Variants in LRTM2 observed in about 807,000 individuals in gnomAD.
The protein encoded by LRTM2 is leucine rich repeat transmembrane protein 2.
In LRTM2, 18 loss-of-function variants were observed where a neutral mutation model predicts 28.1. That is an observed-to-expected ratio of 0.64 (90% CI 0.44 to 0.95). LRTM2 has a LOEUF of 0.95. Among genes scored for constraint, LRTM2 ranks in the 40% least tolerant of loss-of-function variants. The pLI is 0.00. For missense variants in LRTM2, 436 were observed against 497.2 expected (o/e 0.88, Z 1.17); for synonymous variants, 250 against 218.7 (o/e 1.14, Z -1.26).
intron 1 of LRTM2, among the ~76,000 whole-genome samples, chr12:1,822,822 C>G (rs1864160617): frequency 6.6e-6 from 1 of 152,148 alleles, no homozygotes; most frequent in South Asian, 2.1e-4. Context: ...CGGAGCCCAG[C>G]CTAGACGGCT....
intron 1 of LRTM2, among the ~76,000 whole-genome samples, chr12:1,826,403 C>CT (rs1282693514): frequency 3.8e-5 from 1 of 26,068 alleles, no homozygotes; most frequent in African/African-American, 1.7e-4. Flanking sequence ...ACCCAGAGCC[C>CT]CCCCCCCCCC....
At position 1,830,915 on chromosome 12, in the gene LRTM2, C is replaced by T. The variant is rs928128494; in HGVS notation, c.68-20C>T. The T allele has an allele frequency of 3.9e-5, 61 of 1,573,958 alleles. No individual in the cohort carries two copies. Among genetic ancestry groups the T allele is most frequent in the Middle Eastern group, 1.7e-4 (1 of 5,900 alleles). On this transcript the variant is annotated intron_variant, in intron 3 of 4. Coordinates refer to ENST00000299194, the MANE Select transcript of LRTM2 (RefSeq NM_001039029.3). ...ACCCGTCCTATTGCTTTCTTTCCCC[C>T]GTCTGTCCCTCCCACCAAGGGATCA...
rs553127546 is a variant in LRTM2, at chr12:1,834,713, G to T, written c.1105G>T (p.Val369Leu). The part of the protein sequence containing the change: ...EHEDQKQISS[V>L]A ...CGAGGACCAGAAGCAGATCTCTTCT[G>T]TGGCCTGAGCGCCCATCCCCACCCG... Residue 369 changes from valine to leucine, a missense_variant, in exon 5 of 5, where the codon GTG becomes TTG. By Grantham distance (32) the Val-to-Leu change is conservative (BLOSUM62 1). Coordinates refer to ENST00000299194, the MANE Select transcript of LRTM2 (RefSeq NM_001039029.3). The surrounding 1 kb of genome is among the most constrained non-coding windows in gnomAD (Gnocchi z 7.6). 2.5e-6 allele frequency: 4 copies of T among 1,592,018 alleles called. No homozygotes were observed. In the African/African-American group the frequency reaches 4.0e-5, roughly 16 times the overall value.
At position 1,827,440 on chromosome 12, in the gene LRTM2, GTCT is replaced by G. The variant is rs1864388912; in HGVS notation, c.-226_-224del. On this transcript the variant is annotated 5_prime_UTR_variant, in exon 2 of 5. Coordinates refer to ENST00000299194, the MANE Select transcript of LRTM2 (RefSeq NM_001039029.3). ...GCAGCATGAACCCCTGAGCTGATGAGTCTTATTATAGCCCGGCTGGCGGAAGAC... is the reference window on the plus strand; with the variant it reads ...GCAGCATGAACCCCTGAGCTGATGAGTATTATAGCCCGGCTGGCGGAAGAC... The G allele has an allele frequency of 6.5e-6, 1 of 152,808 alleles. No homozygotes were observed. Among genetic ancestry groups the G allele is most frequent in the Non-Finnish European group, 1.5e-5 (1 of 68,170 alleles). The allele number at this position is 152,808 out of a possible 1,614,324, so 9.5% of individuals were successfully genotyped here. A position where few individuals can be genotyped will look rare whatever the true frequency, so the allele number is the denominator to read the frequency against.
intron 1 of LRTM2, among the ~76,000 whole-genome samples, chr12:1,825,382 T>C (rs11061990): frequency 0.16 from 24,529 of 152,262 alleles, 3,805 homozygotes; most frequent in African/African-American, 0.4. Context: ...AGCAGACACC[T>C]GGATGGGGAA....
chr12:1,822,249 A>T (rs949904913), intron 1 of LRTM2: 7 of 152,032 alleles, frequency 4.6e-5, no homozygotes, highest in African/African-American at 1.7e-4. Context: ...CAGGCACCAG[A>T]GCCCAGGGGC....
Position 1,829,985 on chromosome 12 carries a change from G to A in LRTM2, c.68-950G>A, listed in dbSNP as rs1018146234. 3.3e-5 allele frequency among the ~76,000 whole-genome samples: 5 copies of A among 152,192 alleles called. No homozygotes were observed. The highest frequency in any genetic ancestry group is 7.4e-5 in the Non-Finnish European group (5 of 68,026). ...TGGAAGGCACTGCTCTGATGTGATT[G>A]TTCCCTGAGGGTTACTTCTCCCAGC... On this transcript the variant is annotated intron_variant, in intron 3 of 4. Coordinates refer to ENST00000299194, the MANE Select transcript of LRTM2 (RefSeq NM_001039029.3). The surrounding 1 kb of genome is among the most constrained non-coding windows in gnomAD (Gnocchi z 4.2).
intron 4 of LRTM2, 106 bp downstream of exon 4, chr12:1,831,631 G>T: frequency 1.0e-6 from 1 of 975,660 alleles, no homozygotes; most frequent in Non-Finnish European, 1.5e-6. Context: ...CAGGCCAGGG[G>T]AAAGAAGGGG....
In LRTM2 at chr12:1,828,400, G is replaced by A. The variant is rs575833831; in HGVS notation, c.67+185G>A. 3.3e-5 allele frequency among the ~76,000 whole-genome samples: 5 copies of A among 152,354 alleles called. No individual in the cohort carries two copies. Among genetic ancestry groups the A allele is most frequent in the Middle Eastern group, 3.4e-3 (1 of 294 alleles). The stretch of plus-strand genomic sequence containing the variant: ...TCACGCCCACGGTGACAGCATCCCT[G>A]CCAGTCAGAGTCACCGCTGAGTGCT... On this transcript the variant is annotated intron_variant, in intron 3 of 4. Transcript: ENST00000299194. The surrounding 1 kb of genome is among the most constrained non-coding windows in gnomAD (Gnocchi z 4.2).
chr12:1,828,138 T>C lies in LRTM2; in HGVS notation c.-11T>C. On this transcript the variant is annotated 5_prime_UTR_variant, in exon 3 of 5. Transcript: ENST00000299194. This position sits in a 1 kb window ranked among gnomAD's most constrained non-coding sequence, Gnocchi z 4.2. ...CAGAGCGACAGGGCCCGGAGAGCCG[T>C]GGGCCTCACCATGCTGGCGCCGGGC... 6.5e-7 allele frequency: 1 copy of C among 1,535,742 alleles called. No individual in the cohort carries two copies. The highest frequency in any genetic ancestry group is 8.8e-7 in the Non-Finnish European group (1 of 1,139,780).
chr12:1,826,048 C>T (rs1482061139), intron 1 of LRTM2, among the ~76,000 whole-genome samples: 1 of 152,174 alleles, frequency 6.6e-6, no homozygotes, highest in African/African-American at 2.4e-5. Flanking sequence ...ATAGACTCCA[C>T]AGGCCCGGGG....
intron 1 of LRTM2, among the ~76,000 whole-genome samples, chr12:1,826,970 C>T (rs568236494): frequency 1.3e-5 from 2 of 152,324 alleles, no homozygotes; most frequent in East Asian, 3.9e-4. Context: ...ATTCCATAGG[C>T]CCATGGGGGC....
rs1358193431 is a variant in LRTM2 at position 1,831,408 on chromosome 12, C to T, written c.541C>T (p.Arg181Trp). The T allele has an allele frequency of 4.3e-6, 7 of 1,614,142 alleles. No individual in the cohort carries two copies. The highest frequency in any genetic ancestry group is 1.6e-4 in the Middle Eastern group (1 of 6,062). Residue 181 changes from arginine to tryptophan, a missense_variant, in exon 4 of 5, where the codon CGG (arginine) becomes TGG (tryptophan). Transcript: ENST00000299194. Reference protein sequence around the residue: ...LRSNRLQNLDRLTFEPLANLQ... With the variant: ...LRSNRLQNLDWLTFEPLANLQ... ...CTCCAACCGTCTGCAGAATCTGGACCGGCTGACATTTGAACCCCTAGCAAA... is the reference window on the plus strand; with the variant it reads ...CTCCAACCGTCTGCAGAATCTGGACTGGCTGACATTTGAACCCCTAGCAAA...
intron 4 of LRTM2, among the ~76,000 whole-genome samples, chr12:1,832,578 A>T (rs1252581916): frequency 1.3e-5 from 2 of 152,212 alleles, no homozygotes; most frequent in Non-Finnish European, 2.9e-5. Flanking sequence ...ACTTTCATTT[A>T]ATCTCCAGCC....
At position 1,829,883 on chromosome 12, in the gene LRTM2, GA is replaced by G. The variant is rs1427370586; in HGVS notation, c.68-1051del. 6.6e-6 allele frequency among the ~76,000 whole-genome samples: 1 copy of G among 152,094 alleles called. No homozygotes were observed. The highest frequency in any genetic ancestry group is 1.9e-4 in the East Asian group (1 of 5,170). ...TGAATTCTTCCCAGTTCTCTTTCAC[GA>G]TGAGCAGGCTTCTCTGCTACTCAGG... On this transcript the variant is annotated intron_variant, in intron 3 of 4. Transcript: ENST00000299194. This position sits in a 1 kb window ranked among gnomAD's most constrained non-coding sequence, Gnocchi z 4.2.
chr12:1,824,177 G>A (rs983462319), intron 1 of LRTM2, among the ~76,000 whole-genome samples: 13 of 152,228 alleles, frequency 8.5e-5, no homozygotes, highest in African/African-American at 3.1e-4. Context: ...GGACAGGCCA[G>A]CATGGTCTCC....
At position 1,831,280 on chromosome 12, in the gene LRTM2, A is replaced by T. The variant is rs1006539210; in HGVS notation, c.413A>T (p.His138Leu). ...IRTLDRDLLR[H>L]SPLLRHLDLS... Reference sequence around the variant, plus strand: ...ACCCTGGACAGGGACCTGCTGCGGCACTCGCCGCTGCTCCGCCACCTGGAC... The same window carrying T: ...ACCCTGGACAGGGACCTGCTGCGGCTCTCGCCGCTGCTCCGCCACCTGGAC... The change falls in exon 4 of 5, where the codon CAC becomes CTC. Residue 138 changes from histidine (H) to leucine (L), a missense_variant. His to Leu is a moderately conservative substitution (Grantham distance 99). Transcript: ENST00000299194. 1 of 1,613,506 alleles carries T rather than the reference A, an allele frequency of 6.2e-7. No homozygotes were observed.
In LRTM2 at chr12:1,833,758, T is replaced by C. The variant is rs540525116; in HGVS notation, c.659-509T>C. The stretch of plus-strand genomic sequence containing the variant: ...AGCGGCAGGGGCAGTGGGTTTTGAC[T>C]GCTGTCCTTTGAGTGAGAGGTAAGA... On this transcript the variant is annotated intron_variant, in intron 4 of 4. Transcript: ENST00000299194. The surrounding 1 kb of genome is among the most constrained non-coding windows in gnomAD (Gnocchi z 4.2). 2.6e-5 allele frequency among the ~76,000 whole-genome samples: 4 copies of C among 152,332 alleles called. No homozygotes were observed. Among genetic ancestry groups the C allele is most frequent in the African/African-American group, 9.6e-5 (4 of 41,578 alleles).
rs992292660 is a variant in LRTM2 at position 1,820,975 on chromosome 12, C to T, written c.-259+161C>T. ...TGGGGCCGAAGAAGCTGCTCGGGCT[C>T]AGGCACCTGAGCATCCCAAAGGTGC... On this transcript the variant is annotated intron_variant, in intron 1 of 4. Coordinates refer to ENST00000299194, the MANE Select transcript of LRTM2 (RefSeq NM_001039029.3). The surrounding 1 kb of genome is among the most constrained non-coding windows in gnomAD (Gnocchi z 6.0). Among the ~76,000 whole-genome samples, 2 of 152,218 alleles carry T rather than the reference C, an allele frequency of 1.3e-5. No individual in the cohort carries two copies. Among genetic ancestry groups the T allele is most frequent in the African/African-American group, 2.4e-5 (1 of 41,454 alleles).
Sources: gnomAD v4.1 joint callset for allele counts (sites outside exome capture counted in the v4.1 genomes callset) on GRCh38, gnomAD v4.1.1 for gene constraint, Gnocchi (gnomAD v3.1) non-coding constraint, MANE v1.5 for transcripts, NCBI Gene and HGNC (gene_info 2026-07-23, HGNC 2026-07-21) for gene names.